DNAH7: variants seen among roughly 807,000 people sequenced by gnomAD.
DNAH7 encodes axonemal beta dynein heavy chain 7.
A neutral mutation model predicts 444.6 loss-of-function variants in DNAH7; 397 were observed. That is an observed-to-expected ratio of 0.89 (90% confidence interval 0.82 to 0.97). DNAH7 has a LOEUF of 0.97. Ranked by LOEUF, DNAH7 falls within the 50% of genes least tolerant of loss-of-function variation. The pLI is 0.00. For synonymous variants in DNAH7, 1,636 were observed against 1,624.4 expected (o/e 1.01, Z -0.17); for missense variants, 4,902 against 4,800.8 (o/e 1.02, Z -0.62).
At chr2:195,942,853 C>T (rs1689552035) in intron 19 of DNAH7, among the ~76,000 whole-genome samples, 1 of 152,088 alleles carries the variant, frequency 6.6e-6, no homozygotes, top group Non-Finnish European at 1.5e-5. Flanking sequence ...ACCATGTACA[C>T]TCTAGAACTG....
chr2:195,996,304 G>A (rs183031976), intron 12 of DNAH7, among the ~76,000 whole-genome samples: 7 of 152,232 alleles, frequency 4.6e-5, no homozygotes, highest in Admixed American at 3.9e-4. Context: ...ATAATTGTAG[G>A]CAAGAATGGA....
At chr2:195,854,486 G>T (rs535201088) in intron 45 of DNAH7, among the ~76,000 whole-genome samples, 161 of 152,094 alleles carry the variant, frequency 1.1e-3, no homozygotes, top group African/African-American at 3.8e-3. Context: ...AAAAGCAAAT[G>T]GTATGTAATT....
intron 3 of DNAH7, 134 bp from the exon 4 acceptor site, chr2:196,048,538 G>A: frequency 1.4e-6 from 1 of 700,232 alleles, no homozygotes; most frequent in Non-Finnish European, 2.4e-6. Flanking sequence ...ATACTCAACA[G>A]TAGATCTTAT....
intron 17 of DNAH7, among the ~76,000 whole-genome samples, chr2:195,966,015 C>T (rs73042518): frequency 0.056 from 8,483 of 151,658 alleles, 375 homozygotes; most frequent in African/African-American, 0.13. Context: ...TTTACTCTTG[C>T]TTTTCTAGTT....
intron 48 of DNAH7, among the ~76,000 whole-genome samples, chr2:195,833,857 C>T (rs1045235314): frequency 3.9e-5 from 6 of 152,124 alleles, no homozygotes; most frequent in Admixed American, 2.6e-4. Flanking sequence ...CAGGTTCAAG[C>T]GATTCTCCTG....
intron 61 of DNAH7, among the ~76,000 whole-genome samples, chr2:195,770,414 TTC>T: frequency 6.6e-6 from 1 of 152,300 alleles, no homozygotes; most frequent in East Asian, 1.9e-4. Flanking sequence ...CTCTGGCGTC[TTC>T]TCTCTAGTAT....
intron 19 of DNAH7, among the ~76,000 whole-genome samples, chr2:195,944,686 G>A (rs1428899917): frequency 6.6e-6 from 1 of 152,028 alleles, no homozygotes; most frequent in Non-Finnish European, 1.5e-5. Flanking sequence ...TTGAAATTTG[G>A]TGACCTATTG....
chr2:196,001,963 A>T (rs1694064502), intron 10 of DNAH7, 105 bp from the exon 11 acceptor site: 1 of 851,124 alleles, frequency 1.2e-6, no homozygotes, highest in East Asian at 2.8e-5. Context: ...CTTCATAGAG[A>T]AGTATATTGC....
intron 53 of DNAH7, 115 bp from the exon 54 acceptor site, chr2:195,806,947 T>G (rs753334880): frequency 1.7e-5 from 12 of 687,658 alleles, no homozygotes; most frequent in Non-Finnish European, 2.3e-5. Context: ...CTTGTCTAAA[T>G]TTTACTATTT....
In DNAH7 at chr2:195,970,007, G is replaced by A; in HGVS notation, c.2146C>T (p.Gln716Ter). The A allele has an allele frequency of 6.2e-7, 1 of 1,612,440 alleles. No homozygotes were observed. Among genetic ancestry groups the A allele is most frequent in the Non-Finnish European group, 8.5e-7 (1 of 1,179,430 alleles). The change falls in exon 17 of 65, where the codon CAG (glutamine) becomes TAG (stop). Residue 716 changes from glutamine (Q) to a stop codon, truncating the protein, a stop_gained. Transcript: ENST00000312428. LOFTEE classifies it high-confidence loss of function. The part of the protein sequence containing the change: ...FYSFGDLQDV[Q>*]RYLKKAQILN... ...ATTTGAGCCTTTTTTAGGTACCGCT[G>A]AACATCCTGAAGATCTCCAAATGAA... is the stretch of plus-strand genomic sequence containing the variant.
At chr2:195,759,981 C>A (rs1694273137) in intron 61 of DNAH7, among the ~76,000 whole-genome samples, 1 of 152,148 alleles carries the variant, frequency 6.6e-6, no homozygotes. Context: ...CCTGATCTAA[C>A]CAAATTTTAA....
intron 19 of DNAH7, among the ~76,000 whole-genome samples, chr2:195,943,383 G>A (rs975613932): frequency 3.9e-5 from 6 of 152,114 alleles, no homozygotes; most frequent in African/African-American, 1.4e-4. Context: ...CTTAGCATAT[G>A]CAATGTTGTG....
intron 19 of DNAH7, among the ~76,000 whole-genome samples, chr2:195,950,106 G>T (rs1690117741): frequency 1.3e-5 from 2 of 152,140 alleles, no homozygotes; most frequent in Non-Finnish European, 2.9e-5. Context: ...TCAGGATGAT[G>T]CTGGCCTCAT....
chr2:195,971,188 A>G (rs1691815382), intron 16 of DNAH7, among the ~76,000 whole-genome samples: 1 of 152,236 alleles, frequency 6.6e-6, no homozygotes, highest in African/African-American at 2.4e-5. Flanking sequence ...TAATAGAAAG[A>G]AAGCATGGCT....
chr2:195,892,862 A>C (rs1404198525), intron 30 of DNAH7: 1 of 150,792 alleles, frequency 6.6e-6, no homozygotes, highest in Non-Finnish European at 1.5e-5. Context: ...TCTTTCTAAT[A>C]TTGCCTTCTG....
intron 46 of DNAH7, among the ~76,000 whole-genome samples, chr2:195,847,086 T>C (rs1346328265): frequency 6.8e-6 from 1 of 146,110 alleles, no homozygotes; most frequent in Non-Finnish European, 1.5e-5. Flanking sequence ...ATCTGATATA[T>C]ATATATCTGA....
intron 47 of DNAH7, among the ~76,000 whole-genome samples, chr2:195,839,913 C>T (rs1334449135): frequency 6.6e-6 from 1 of 151,806 alleles, no homozygotes; most frequent in African/African-American, 2.4e-5. Flanking sequence ...CAGATAATTT[C>T]TTTGGTCATT....
At chr2:196,001,565 T>C in intron 11 of DNAH7, 110 bp downstream of exon 11, 3 of 1,086,094 alleles carry the variant, frequency 2.8e-6, no homozygotes, top group Middle Eastern at 2.7e-4. Context: ...GTAATAGGTC[T>C]AAAGATGTAC....
Position 196,068,803 on chromosome 2 carries a change from C to A in DNAH7, c.-92G>T. ...GATAGAGGCAGGGCCCCGGGACTTGCAGCGGTCTCAGCTCCCTCCGCACCA... is the reference window on the plus strand; with the variant it reads ...GATAGAGGCAGGGCCCCGGGACTTGAAGCGGTCTCAGCTCCCTCCGCACCA... On this transcript the variant is annotated 5_prime_UTR_variant, in exon 1 of 65. Coordinates refer to ENST00000312428, the MANE Select transcript of DNAH7 (RefSeq NM_018897.3). The A allele has an allele frequency of 2.7e-6, 4 of 1,483,486 alleles. No individual in the cohort carries two copies. In the South Asian group the frequency reaches 5.0e-5, roughly 18 times the overall value. 91.9% of individuals were successfully genotyped at this position (1,483,486 alleles called of 1,614,324 possible).
Sources: gnomAD v4.1 joint callset for allele counts (sites outside exome capture counted in the v4.1 genomes callset) on GRCh38, gnomAD v4.1.1 for gene constraint, MANE v1.5 for transcripts, NCBI Gene and HGNC (gene_info 2026-07-23, HGNC 2026-07-21) for gene names.